Variants in ZNF385D observed in about 807,000 individuals in gnomAD.
ZNF385D encodes the protein zinc finger protein 659.
ZNF385D carries 15 observed loss-of-function variants against 35.8 expected under a neutral mutation model. The observed-to-expected ratio is 0.42, with a 90% CI of 0.28 to 0.64. ZNF385D has a LOEUF of 0.64. Among genes scored for constraint, ZNF385D ranks in the 30% least tolerant of loss-of-function variants. ZNF385D has a pLI of 0.23. For missense variants in ZNF385D, 474 were observed against 494.6 expected (o/e 0.96, Z 0.39); for synonymous variants, 212 against 186.8 (o/e 1.13, Z -1.10).
At chr3:22,060,732 T>C (rs886334930) in intron 3 of ZNF385D, among the ~76,000 whole-genome samples, 4 of 152,192 alleles carry the variant, frequency 2.6e-5, no homozygotes, top group Non-Finnish European at 2.9e-5. Flanking sequence ...TAGATTATTA[T>C]TGGGTTAGCA....
intron 2 of ZNF385D, among the ~76,000 whole-genome samples, chr3:22,174,758 G>A (rs1382772405): frequency 1.3e-5 from 2 of 151,906 alleles, no homozygotes; most frequent in Non-Finnish European, 2.9e-5. Context: ...AACTAGTCAG[G>A]GTAGATGACA....
chr3:21,941,369 A>T (rs766491156), intron 3 of ZNF385D, among the ~76,000 whole-genome samples: 1 of 152,156 alleles, frequency 6.6e-6, no homozygotes, highest in South Asian at 2.1e-4. Flanking sequence ...AGCTGACTCA[A>T]ATGTCAGGTA....
Position 21,962,913 on chromosome 3 carries a change from G to A in ZNF385D, c.325+205904C>T, listed in dbSNP as rs183687739. On this transcript the variant is annotated intron_variant, in intron 3 of 5. Transcript: ENST00000494108. ...CACCATTACTCTAATATGTGAGGGC[G>A]ACCATGTAATAACACATTTTCCAAA... 2.1e-3 allele frequency among the ~76,000 whole-genome samples: 320 copies of A among 152,244 alleles called. 1 individual carries two copies. The highest frequency in any genetic ancestry group is 7.2e-3 in the African/African-American group (300 of 41,546).
chr3:22,169,661 C>T (rs144106682), intron 2 of ZNF385D, among the ~76,000 whole-genome samples: 1 of 152,128 alleles, frequency 6.6e-6, no homozygotes, highest in Non-Finnish European at 1.5e-5. Flanking sequence ...GCCTTATAAT[C>T]AGGGTACAAA....
At chr3:21,526,989 T>C (rs1708265457) in intron 3 of ZNF385D, among the ~76,000 whole-genome samples, 1 of 152,158 alleles carries the variant, frequency 6.6e-6, no homozygotes, top group African/African-American at 2.4e-5. Context: ...AGGTAATATC[T>C]TTAATAGCAT....
At chr3:22,331,920 A>G (rs1694952951) in intron 2 of ZNF385D, among the ~76,000 whole-genome samples, 1 of 152,198 alleles carries the variant, frequency 6.6e-6, no homozygotes, top group Admixed American at 6.5e-5. Context: ...TGGCACAGGC[A>G]CTTGATTTAA....
chr3:21,710,140 G>C (rs951239887), intron 1 of ZNF385D, among the ~76,000 whole-genome samples: 7 of 152,120 alleles, frequency 4.6e-5, no homozygotes, highest in Non-Finnish European at 1.0e-4. Flanking sequence ...GTTGGGTATG[G>C]GGGTATGGTT....
intron 1 of ZNF385D, among the ~76,000 whole-genome samples, chr3:21,693,662 T>C (rs1042426843): frequency 8.5e-5 from 13 of 152,174 alleles, no homozygotes; most frequent in Admixed American, 2.6e-4. Flanking sequence ...TTGTAAAGTA[T>C]AACAGGTGTT....
intron 3 of ZNF385D, among the ~76,000 whole-genome samples, chr3:21,928,326 AGGAAGGAG>A (rs1700843281): frequency 7.4e-6 from 1 of 134,382 alleles, no homozygotes. Context: ...GGAGGAAGGA[AGGAAGGAG>A]GGAGGGAGGG....
rs1001588107 is a variant in ZNF385D at position 21,437,087 on chromosome 3, C to T, written c.556G>A (p.Gly186Ser). Residue 186 changes from glycine to serine, a missense_variant, in exon 5 of 8, where the codon GGC (glycine) becomes AGC (serine). Transcript: ENST00000281523. ...TCAGTAGAAGGACATGAGCTATTGC[C>T]AGTGGCTGTCGTTGGGCTTTTTTCC... Reference protein sequence around the residue: ...KVEKSPTTATGNSSCPSTETE... With the variant: ...KVEKSPTTATSNSSCPSTETE... 2 of 1,613,874 alleles carry T rather than the reference C, an allele frequency of 1.2e-6. No individual in the cohort carries two copies. Among genetic ancestry groups the T allele is most frequent in the Non-Finnish European group, 1.7e-6 (2 of 1,179,916 alleles).
At chr3:21,836,241 C>G (rs1199549036) in intron 3 of ZNF385D, among the ~76,000 whole-genome samples, 1 of 152,074 alleles carries the variant, frequency 6.6e-6, no homozygotes, top group Non-Finnish European at 1.5e-5. Context: ...AAGAGAAAAA[C>G]ATAAATATGG....
chr3:21,456,738 A>AAAAT (rs10662695), intron 4 of ZNF385D, among the ~76,000 whole-genome samples: 50,056 of 151,258 alleles, frequency 0.33, 10,108 homozygotes, highest in African/African-American at 0.57. Context: ...AGTATAATAA[A>AAAAT]AAATAAATAA....
intron 1 of ZNF385D, among the ~76,000 whole-genome samples, chr3:21,719,773 T>G (rs530669354): frequency 6.6e-6 from 1 of 152,298 alleles, no homozygotes; most frequent in South Asian, 2.1e-4. Context: ...TGCACCTAAC[T>G]TACAAAATAT....
At chr3:22,048,085 G>T (rs1055321340) in intron 3 of ZNF385D, among the ~76,000 whole-genome samples, 3 of 151,794 alleles carry the variant, frequency 2.0e-5, no homozygotes, top group Non-Finnish European at 4.4e-5. Flanking sequence ...TCTTAATCAG[G>T]TTATTTGTTT....
intron 2 of ZNF385D, among the ~76,000 whole-genome samples, chr3:21,608,915 C>G (rs147528963): frequency 2.0e-5 from 3 of 152,124 alleles, no homozygotes; most frequent in Non-Finnish European, 4.4e-5. Context: ...GATGATGAGA[C>G]TTCACTGACA....
chr3:21,492,123 C>G (rs75103720), intron 4 of ZNF385D, among the ~76,000 whole-genome samples: 6,730 of 152,030 alleles, frequency 0.044, 516 homozygotes, highest in African/African-American at 0.15. Context: ...TTTTATTTTT[C>G]TTTTTGCAAT....
intron 5 of ZNF385D, among the ~76,000 whole-genome samples, chr3:21,429,207 A>G (rs949780308): frequency 6.6e-6 from 1 of 152,052 alleles, no homozygotes; most frequent in Non-Finnish European, 1.5e-5. Context: ...TTTAAAAAAA[A>G]TTTTAAGGAA....
chr3:21,729,828 T>C (rs2068916233), intron 1 of ZNF385D, among the ~76,000 whole-genome samples: 1 of 152,216 alleles, frequency 6.6e-6, no homozygotes, highest in South Asian at 2.1e-4. Context: ...AAGGGATTAA[T>C]TGTATAACCT....
At chr3:21,709,918 G>C (rs558378295) in intron 1 of ZNF385D, among the ~76,000 whole-genome samples, 1 of 152,260 alleles carries the variant, frequency 6.6e-6, no homozygotes, top group Admixed American at 6.5e-5. Context: ...TGAACAGATT[G>C]ACAAGCTACG....
Sources: allele counts gnomAD v4.1 joint callset (sites outside exome capture counted in the v4.1 genomes callset), GRCh38; gene constraint gnomAD v4.1.1; transcripts MANE v1.5; gene names NCBI Gene and HGNC (gene_info 2026-07-23, HGNC 2026-07-21).